PUM2: variants seen among roughly 807,000 people sequenced by gnomAD.
The protein encoded by PUM2 is pumilio RNA binding family member 2.
PUM2 carries 57 observed loss-of-function variants against 124.5 expected under a neutral mutation model. That is an observed-to-expected ratio of 0.46 (90% CI 0.37 to 0.57). The LOEUF is 0.57. PUM2 is among the 20% of genes least tolerant of loss of function. The probability of loss-of-function intolerance (pLI) is 0.00; values close to 1 mark genes in which losing one functional copy is unlikely to be tolerated. For missense variants in PUM2, 1,065 were observed against 1,290.6 expected, an observed-to-expected ratio of 0.83 and a Z score of 2.68; for synonymous variants, 460 against 446.1, an observed-to-expected ratio of 1.03 and a Z score of -0.39.
chr2:20,309,108 A>G (rs1200018983), intron 5 of PUM2, among the ~76,000 whole-genome samples: 2 of 152,170 alleles, frequency 1.3e-5, no homozygotes, highest in Non-Finnish European at 2.9e-5. Flanking sequence ...AAGGGGCCAA[A>G]ATGTGGGATG....
chr2:20,288,408 G>C (rs1673213216), intron 10 of PUM2, among the ~76,000 whole-genome samples: 1 of 152,196 alleles, frequency 6.6e-6, no homozygotes, highest in South Asian at 2.1e-4. Context: ...AGTTATATTA[G>C]AGATACTGCA....
At chr2:20,333,676 G>A (rs1685391581) in intron 1 of PUM2, among the ~76,000 whole-genome samples, 1 of 152,104 alleles carries the variant, frequency 6.6e-6, no homozygotes, top group Admixed American at 6.5e-5. Context: ...ACTTTGGGAG[G>A]CCAATATAGA....
chr2:20,320,756 T>A (rs1019931320), intron 2 of PUM2, among the ~76,000 whole-genome samples: 5 of 152,084 alleles, frequency 3.3e-5, no homozygotes, highest in African/African-American at 1.2e-4. Flanking sequence ...TCATAAAAGA[T>A]TCACGTAAAT....
chr2:20,336,972 A>G (rs780349412), intron 1 of PUM2, among the ~76,000 whole-genome samples: 4 of 152,082 alleles, frequency 2.6e-5, no homozygotes, highest in Non-Finnish European at 5.9e-5. Context: ...TCATCCTAAT[A>G]GTGGAGTAAG....
chr2:20,283,104 A>G lies in PUM2; in HGVS notation c.1563T>C (p.Asn521=), dbSNP rs138405315. ...QQQPSTNLQS[N]SFYGSSSLTN... ...TCAAAGAACTGCTTCCATAAAATGAATTAGATTGCAGATTAGTGCTTGGCT... is the reference window on the plus strand; with the variant it reads ...TCAAAGAACTGCTTCCATAAAATGAGTTAGATTGCAGATTAGTGCTTGGCT... The change falls in exon 12 of 21, where the codon AAT becomes AAC. Residue 521 remains asparagine (N), a synonymous_variant. Coordinates refer to ENST00000361078, the MANE Select transcript of PUM2 (RefSeq NM_015317.5). 3.7e-6 allele frequency: 6 copies of G among 1,614,028 alleles called. No homozygotes were observed. Among genetic ancestry groups the G allele is most frequent in the Non-Finnish European group, 5.1e-6 (6 of 1,180,048 alleles).
chr2:20,322,808 C>CA (rs748161233), intron 2 of PUM2, among the ~76,000 whole-genome samples: 61 of 151,542 alleles, frequency 4.0e-4, no homozygotes, highest in Non-Finnish European at 8.4e-4. Flanking sequence ...GCCTCCAAAA[C>CA]AAAAAACAAA....
chr2:20,256,647 T>C (rs1481509654), intron 16 of PUM2, among the ~76,000 whole-genome samples: 3 of 152,206 alleles, frequency 2.0e-5, no homozygotes, highest in South Asian at 2.1e-4. Flanking sequence ...GGCTAAGAAG[T>C]TGATGACTAC....
rs906548721 is a variant in PUM2 at position 20,266,550 on chromosome 2, G to A, written c.1958-3090C>T. Among the ~76,000 whole-genome samples, 4 of 150,572 alleles carry A rather than the reference G, an allele frequency of 2.7e-5. No homozygotes were observed. In the South Asian group the frequency reaches 8.5e-4, roughly 32 times the overall value. On this transcript the variant is annotated intron_variant, in intron 13 of 20. Transcript: ENST00000361078. ...CCAGAAACTAATTCACTGAAAGGAC[G>A]AACTATCACCAATTAATTTCACCCA...
intron 2 of PUM2, among the ~76,000 whole-genome samples, chr2:20,319,296 T>C (rs1397620609): frequency 6.6e-6 from 1 of 152,244 alleles, no homozygotes; most frequent in Non-Finnish European, 1.5e-5. Context: ...ATTCTTATTC[T>C]TTAATATTCA....
chr2:20,255,505 G>T (rs1248127980), intron 17 of PUM2, among the ~76,000 whole-genome samples, 164 bp from the exon 18 acceptor site: 1 of 151,166 alleles, frequency 6.6e-6, no homozygotes, highest in Non-Finnish European at 1.5e-5. Context: ...TGTTAGAAAA[G>T]ACTGGAGAGT....
intron 16 of PUM2, among the ~76,000 whole-genome samples, chr2:20,257,067 A>G (rs1664989501): frequency 7.0e-6 from 1 of 141,884 alleles, no homozygotes; most frequent in African/African-American, 2.5e-5. Context: ...AAAAAAAAAA[A>G]AAAAAAGAAA....
At chr2:20,324,900 C>T (rs1177509956) in intron 2 of PUM2, among the ~76,000 whole-genome samples, 1 of 144,862 alleles carries the variant, frequency 6.9e-6, no homozygotes, top group Non-Finnish European at 1.5e-5. Context: ...TAAAGAAAGT[C>T]AAGACAAGGG....
chr2:20,320,975 C>G (rs1020405170), intron 2 of PUM2, among the ~76,000 whole-genome samples: 2 of 152,106 alleles, frequency 1.3e-5, no homozygotes, highest in Non-Finnish European at 2.9e-5. Flanking sequence ...AAAATAATAA[C>G]AAATAAGTAA....
intron 1 of PUM2, among the ~76,000 whole-genome samples, chr2:20,330,141 G>C (rs973184826): frequency 5.9e-5 from 9 of 152,152 alleles, no homozygotes; most frequent in Non-Finnish European, 1.0e-4. Context: ...TGCTAACTTG[G>C]ACCAGAAATA....
intron 7 of PUM2, among the ~76,000 whole-genome samples, chr2:20,305,538 C>T (rs925683790): frequency 7.8e-6 from 1 of 127,894 alleles, no homozygotes. Flanking sequence ...CACTAAAAAA[C>T]GTGAAAAAAC....
intron 7 of PUM2, among the ~76,000 whole-genome samples, chr2:20,307,621 T>G (rs1230724980): frequency 6.6e-6 from 1 of 152,042 alleles, no homozygotes; most frequent in Non-Finnish European, 1.5e-5. Flanking sequence ...AAAGACCAAA[T>G]AACTTCATGG....
intron 3 of PUM2, 75 bp downstream of exon 3, chr2:20,318,462 T>TA (rs201984346): frequency 2.0e-3 from 2,528 of 1,271,320 alleles, no homozygotes; most frequent in East Asian, 2.3e-3. Context: ...AGACTCACTC[T>TA]AAAAAAAAAG....
chr2:20,263,298 C>T lies in PUM2; in HGVS notation c.2120G>A (p.Arg707His), dbSNP rs758622536. Residue 707 changes from arginine (R) to histidine (H), a missense_variant, in exon 14 of 21, where the codon CGC becomes CAC. Arg to His is a conservative substitution (Grantham distance 29, BLOSUM62 0). Around this residue, in one of 3 missense-constraint regions of PUM2, gnomAD observed 968 missense variants for 1,159.8 expected, o/e 0.83. Transcript: ENST00000361078. Reference protein sequence around the residue: ...YNRSDIMPSGRSRLLEDFRNN... With the variant: ...YNRSDIMPSGHSRLLEDFRNN... ...TCTGAAATCTTCCAATAATCTACTG[C>T]GGCCAGAAGGCATAATATCAGACCT... 38 of 1,613,676 alleles carry T rather than the reference C, an allele frequency of 2.4e-5. No homozygotes were observed. The highest frequency in any genetic ancestry group is 1.1e-4 in the East Asian group (5 of 44,888).
intron 5 of PUM2, among the ~76,000 whole-genome samples, chr2:20,309,361 A>C (rs1424499420): frequency 6.6e-6 from 1 of 152,026 alleles, no homozygotes; most frequent in Non-Finnish European, 1.5e-5. Context: ...AACCATCAGA[A>C]AGAAATCGAA....
Sources: gnomAD v4.1 joint callset for allele counts (sites outside exome capture counted in the v4.1 genomes callset) on GRCh38, gnomAD v4.1.1 for gene constraint, gnomAD v4.1.1 regional missense constraint, MANE v1.5 for transcripts, NCBI Gene and HGNC (gene_info 2026-07-23, HGNC 2026-07-21) for gene names.